Variants in ZNF827 observed in about 807,000 individuals in gnomAD.
ZNF827 encodes zinc finger protein 827.
Under a neutral mutation model 102.4 loss-of-function variants are expected in ZNF827, and 13 were observed. That is an observed-to-expected ratio of 0.13 (90% CI 0.08 to 0.20). The LOEUF is 0.20. Among genes scored for constraint, ZNF827 ranks in the 10% least tolerant of loss-of-function variants. The probability of loss-of-function intolerance (pLI) is 1.00; values close to 1 mark genes in which losing one functional copy is unlikely to be tolerated. For missense variants in ZNF827, 1,103 were observed against 1,344.4 expected, an observed-to-expected ratio of 0.82 and a Z score of 2.81; for synonymous variants, 523 against 536.2, an observed-to-expected ratio of 0.98 and a Z score of 0.34.
At position 145,765,137 on chromosome 4, in the gene ZNF827, G is replaced by A. The variant is rs1170032334; in HGVS notation, c.3081C>T (p.Val1027=). ...KGFECVFCNF[V]CKTKNMFERH... ...GCTCAAACATGTTCTTCGTCTTGCA[G>A]ACAAAGTTGCAAAAAACACATTCGA... The change falls in exon 13 of 15, where the codon GTC becomes GTT. Residue 1027 remains valine (V), a synonymous_variant. Coordinates refer to ENST00000508784, the MANE Select transcript of ZNF827 (RefSeq NM_001306215.2). The surrounding 1 kb of genome is among the most constrained non-coding windows in gnomAD (Gnocchi z 4.7). 1 of 1,613,090 alleles carries A rather than the reference G, an allele frequency of 6.2e-7. No individual in the cohort carries two copies. Among genetic ancestry groups the A allele is most frequent in the Non-Finnish European group, 8.5e-7 (1 of 1,179,568 alleles).
At chr4:145,903,411 A>T (rs1751587297) in intron 1 of ZNF827, among the ~76,000 whole-genome samples, 196 bp from the exon 2 acceptor site, 1 of 152,264 alleles carries the variant, frequency 6.6e-6, no homozygotes, top group Non-Finnish European at 1.5e-5. Context: ...ACACAGGCAA[A>T]GGTAAAAACA....
At chr4:145,808,085 C>T (rs1292542844) in intron 8 of ZNF827, among the ~76,000 whole-genome samples, 1 of 150,380 alleles carries the variant, frequency 6.6e-6, no homozygotes, top group Non-Finnish European at 1.5e-5. Context: ...AAACTTTCCC[C>T]TTGTTTTTCT....
At chr4:145,907,364 C>A in intron 1 of ZNF827, 1 of 369,430 alleles carries the variant, frequency 2.7e-6, no homozygotes. Context: ...TTTCACACTA[C>A]ATCGTGAGAA....
In ZNF827 at chr4:145,902,747, C is replaced by T; in HGVS notation, c.512G>A (p.Arg171Lys). The T allele has an allele frequency of 2.5e-6, 4 of 1,614,076 alleles. No homozygotes were observed. The highest frequency in any genetic ancestry group is 2.5e-6 in the Non-Finnish European group (3 of 1,180,008). ...HHAQQLSVLA[R>K]KLAEKQEQND... ...CTGTTCCTGCTTCTCGGCCAACTTC[C>T]TGGCCAGAACACTGAGCTGCTGGGC... Residue 171 changes from arginine to lysine, a missense_variant, in exon 2 of 15, where the codon AGG becomes AAG. This residue lies in a region of ZNF827 where 441 missense variants were observed against 458.6 expected (regional missense o/e 0.96). Coordinates refer to ENST00000508784, the MANE Select transcript of ZNF827 (RefSeq NM_001306215.2). The surrounding 1 kb of genome is among the most constrained non-coding windows in gnomAD (Gnocchi z 4.3).
intron 5 of ZNF827, among the ~76,000 whole-genome samples, chr4:145,862,328 A>C (rs923201694): frequency 2.6e-5 from 4 of 152,204 alleles, no homozygotes; most frequent in African/African-American, 9.7e-5. Context: ...CTCTGAGCTT[A>C]ACAAGATCTA....
intron 4 of ZNF827, among the ~76,000 whole-genome samples, chr4:145,873,238 C>A (rs1473994773): frequency 6.6e-6 from 1 of 152,140 alleles, no homozygotes; most frequent in South Asian, 2.1e-4. Flanking sequence ...CCTGGCCCAA[C>A]AATTTTTGTT....
chr4:145,831,314 T>G (rs1008038733), intron 7 of ZNF827: 1 of 152,146 alleles, frequency 6.6e-6, no homozygotes, highest in African/African-American at 2.4e-5. Flanking sequence ...GCCTGAAAAC[T>G]CGGTCATTGA....
rs768113858 is a variant in ZNF827, at chr4:145,885,815, G to C, written c.1610C>G (p.Thr537Ser). The C allele has an allele frequency of 1.2e-6, 2 of 1,613,890 alleles. No individual in the cohort carries two copies. Among genetic ancestry groups the C allele is most frequent in the East Asian group, 2.2e-5 (1 of 44,886 alleles). The change falls in exon 4 of 15, where the codon ACT (threonine) becomes AGT (serine). Residue 537 changes from threonine to serine, a missense_variant. This residue lies in a region of ZNF827 where 157 missense variants were observed against 211.7 expected (regional missense o/e 0.74). Transcript: ENST00000508784. Reference protein sequence around the residue: ...KEDNGLPTSFTLNAADRPANH... With the variant: ...KEDNGLPTSFSLNAADRPANH... Reference sequence around the variant, plus strand: ...GGCGGGCCTGTCGGCAGCATTCAAAGTAAAGGAGGTGGGCAGGCCGTTATC... The same window carrying C: ...GGCGGGCCTGTCGGCAGCATTCAAACTAAAGGAGGTGGGCAGGCCGTTATC...
chr4:145,875,874 C>G (rs1579445975), intron 4 of ZNF827, among the ~76,000 whole-genome samples: 1 of 152,116 alleles, frequency 6.6e-6, no homozygotes, highest in African/African-American at 2.4e-5. Flanking sequence ...GGGGTTCCAA[C>G]AAATGTTTGT....
chr4:145,909,623 A>T (rs1264812204), intron 1 of ZNF827, among the ~76,000 whole-genome samples: 1 of 152,258 alleles, frequency 6.6e-6, no homozygotes, highest in African/African-American at 2.4e-5. Context: ...AATGTGGGTC[A>T]CAGAAGAAAG....
Position 145,893,496 on chromosome 4 carries a change from A to G in ZNF827, c.1094-1081T>C, listed in dbSNP as rs150884073. ...ACGATGATATAAAAACATGTCCAAG[A>G]TATTAGCATTGGTGGATAAAGCAAG... is the stretch of plus-strand genomic sequence containing the variant. On this transcript the variant is annotated intron_variant, in intron 2 of 14. Transcript: ENST00000508784. Among the ~76,000 whole-genome samples, 27 of 152,360 alleles carry G rather than the reference A, an allele frequency of 1.8e-4. No homozygotes were observed. In the East Asian group the frequency reaches 4.0e-3, roughly 23 times the overall value.
At chr4:145,832,924 T>A (rs2126555951) in intron 7 of ZNF827, 2 of 152,758 alleles carry the variant, frequency 1.3e-5, no homozygotes, top group East Asian at 3.8e-4. Context: ...CTTTTCGGAC[T>A]CAGCCCACCT....
chr4:145,871,394 T>C (rs1386870613), intron 4 of ZNF827, among the ~76,000 whole-genome samples: 2 of 152,216 alleles, frequency 1.3e-5, no homozygotes, highest in Non-Finnish European at 2.9e-5. Context: ...TGGCCTATTA[T>C]GGGATGGATT....
At chr4:145,936,195 G>A (rs1048515823) in intron 1 of ZNF827, among the ~76,000 whole-genome samples, 29 of 149,542 alleles carry the variant, frequency 1.9e-4, no homozygotes, top group African/African-American at 5.9e-4. Context: ...CCCCCGACAA[G>A]AGCCCGGCAG....
At chr4:145,857,010 C>CTG (rs56706460) in intron 5 of ZNF827, among the ~76,000 whole-genome samples, 4 of 150,936 alleles carry the variant, frequency 2.7e-5, no homozygotes. Context: ...CACACACACA[C>CTG]TCTTATTCTT....
chr4:145,935,092 G>C (rs772022934), intron 1 of ZNF827, among the ~76,000 whole-genome samples: 5 of 151,986 alleles, frequency 3.3e-5, no homozygotes, highest in Admixed American at 6.5e-5. Context: ...CTTTCTTTTA[G>C]AGTCAACTTT....
At chr4:145,845,315 C>T (rs528277823) in intron 7 of ZNF827, among the ~76,000 whole-genome samples, 7 of 152,330 alleles carry the variant, frequency 4.6e-5, no homozygotes, top group African/African-American at 9.6e-5. Flanking sequence ...CTTCTCACAA[C>T]GGCAGATGGA....
intron 4 of ZNF827, among the ~76,000 whole-genome samples, chr4:145,877,509 T>C (rs1749246027): frequency 6.6e-6 from 1 of 152,212 alleles, no homozygotes; most frequent in Non-Finnish European, 1.5e-5. Flanking sequence ...CTCTTTAATT[T>C]CCCTTAAATC....
At chr4:145,816,552 T>C (rs1742614398) in intron 8 of ZNF827, among the ~76,000 whole-genome samples, 1 of 152,230 alleles carries the variant, frequency 6.6e-6, no homozygotes, top group African/African-American at 2.4e-5. Context: ...TAATGAAAGA[T>C]CTTTCTCTAC....
Sources: allele counts gnomAD v4.1 joint callset (sites outside exome capture counted in the v4.1 genomes callset), GRCh38; gene constraint gnomAD v4.1.1; regional missense constraint gnomAD v4.1.1; non-coding constraint Gnocchi (gnomAD v3.1); transcripts MANE v1.5; gene names NCBI Gene and HGNC (gene_info 2026-07-23, HGNC 2026-07-21).